Variants in PTPRG observed in about 807,000 individuals in gnomAD.
PTPRG encodes the protein receptor-type tyrosine-protein phosphatase gamma.
Under a neutral mutation model 165.3 loss-of-function variants are expected in PTPRG, and 102 were observed. The ratio of observed to expected loss-of-function variants is 0.62; its 90% CI spans 0.53 to 0.73. The LOEUF (loss-of-function observed/expected upper bound fraction) is 0.73, where lower values mean the gene tolerates loss of function less well. PTPRG is among the 30% of genes least tolerant of loss of function. The pLI is 0.00. For missense variants in PTPRG, 1,866 were observed against 1,861.4 expected, an observed-to-expected ratio of 1.00 and a Z score of -0.05; for synonymous variants, 675 against 669.5, an observed-to-expected ratio of 1.01 and a Z score of -0.13.
At chr3:62,291,297 AGT>A (rs1446690965) in intron 28 of PTPRG, among the ~76,000 whole-genome samples, 1 of 152,154 alleles carries the variant, frequency 6.6e-6, no homozygotes, top group Non-Finnish European at 1.5e-5. Context: ...GAAATATGGC[AGT>A]GTCTTTAAAA....
intron 5 of PTPRG, among the ~76,000 whole-genome samples, chr3:62,090,598 A>T (rs1238586683): frequency 6.6e-6 from 1 of 152,174 alleles, no homozygotes; most frequent in Non-Finnish European, 1.5e-5. Context: ...GACAGGTAAA[A>T]TCCCAAGTCT....
At chr3:61,634,272 C>G (rs1208831388) in intron 1 of PTPRG, among the ~76,000 whole-genome samples, 1 of 152,000 alleles carries the variant, frequency 6.6e-6, no homozygotes, top group Non-Finnish European at 1.5e-5. Flanking sequence ...GAGTCTCCTA[C>G]TGTCATCTGG....
At chr3:61,638,206 T>G (rs933081586) in intron 1 of PTPRG, among the ~76,000 whole-genome samples, 2 of 152,166 alleles carry the variant, frequency 1.3e-5, no homozygotes, top group Admixed American at 6.5e-5. Context: ...GATATAGAAA[T>G]GACACTGATT....
intron 1 of PTPRG, among the ~76,000 whole-genome samples, chr3:61,722,259 G>A (rs1158877133): frequency 6.6e-6 from 1 of 151,410 alleles, no homozygotes; most frequent in Admixed American, 6.6e-5. Context: ...ACAAAAGAGG[G>A]CCAAACTAGT....
chr3:61,771,209 C>T (rs2034197904), intron 2 of PTPRG: 1 of 152,086 alleles, frequency 6.6e-6, no homozygotes, highest in Non-Finnish European at 1.5e-5. Flanking sequence ...ATCTTTGACA[C>T]TTTTTGGTAA....
At chr3:61,793,796 A>G (rs991368437) in intron 2 of PTPRG, among the ~76,000 whole-genome samples, 1 of 152,112 alleles carries the variant, frequency 6.6e-6, no homozygotes, top group African/African-American at 2.4e-5. Flanking sequence ...AGTTTCCTTG[A>G]GCTAAAAGGA....
At chr3:62,010,370 T>TTATGTG (rs1553704190) in intron 4 of PTPRG, among the ~76,000 whole-genome samples, 2 of 149,464 alleles carry the variant, frequency 1.3e-5, no homozygotes, top group African/African-American at 5.0e-5. Flanking sequence ...CCCTCTCTTC[T>TTATGTG]TGTGTGTGTG....
intron 1 of PTPRG, among the ~76,000 whole-genome samples, chr3:61,667,265 C>T (rs1702835864): frequency 6.6e-6 from 1 of 152,158 alleles, no homozygotes; most frequent in Non-Finnish European, 1.5e-5. Context: ...TTTGGTGGGA[C>T]ATTCTAACCT....
At chr3:61,994,363 A>G (rs1429305341) in intron 3 of PTPRG, among the ~76,000 whole-genome samples, 9 of 152,174 alleles carry the variant, frequency 5.9e-5, no homozygotes, top group Non-Finnish European at 2.9e-5. Flanking sequence ...CACACTGAGG[A>G]CAAATAGTAA....
chr3:61,982,995 A>G (rs759391086), intron 2 of PTPRG, among the ~76,000 whole-genome samples: 1 of 152,210 alleles, frequency 6.6e-6, no homozygotes, highest in Non-Finnish European at 1.5e-5. Flanking sequence ...CCTTAAATTT[A>G]AAACCAAAAA....
Position 62,219,492 on chromosome 3 carries a change from T to C in PTPRG, c.2288+509T>C, listed in dbSNP as rs1018265870. On this transcript the variant is annotated intron_variant, in intron 13 of 29. Transcript: ENST00000474889. The surrounding 1 kb of genome is among the most constrained non-coding windows in gnomAD (Gnocchi z 4.5). ...ATGTGGTATTTAATATATGTAAGATTAAAATGGCAGATTGTAAGCTATCCG... is the reference window on the plus strand; with the variant it reads ...ATGTGGTATTTAATATATGTAAGATCAAAATGGCAGATTGTAAGCTATCCG... Among the ~76,000 whole-genome samples, 1 of 152,340 alleles carries C rather than the reference T, an allele frequency of 6.6e-6. No homozygotes were observed. Among genetic ancestry groups the C allele is most frequent in the Admixed American group, 6.5e-5 (1 of 15,302 alleles).
At chr3:62,050,438 A>G (rs1700434684) in intron 4 of PTPRG, among the ~76,000 whole-genome samples, 2 of 152,214 alleles carry the variant, frequency 1.3e-5, no homozygotes, top group African/African-American at 2.4e-5. Flanking sequence ...GGTTTATGTA[A>G]GTACACTCTG....
chr3:61,626,898 A>T (rs1455731998), intron 1 of PTPRG, among the ~76,000 whole-genome samples: 3 of 152,210 alleles, frequency 2.0e-5, no homozygotes, highest in Non-Finnish European at 4.4e-5. Flanking sequence ...ATACAGCCTG[A>T]TGTAAAATGG....
intron 2 of PTPRG, among the ~76,000 whole-genome samples, chr3:61,972,502 C>A (rs1276872291): frequency 6.6e-6 from 1 of 151,846 alleles, no homozygotes; most frequent in African/African-American, 2.4e-5. Flanking sequence ...GAGGGTGGGT[C>A]AGAGAGTCAG....
At chr3:62,117,061 C>G (rs764947335) in intron 5 of PTPRG, among the ~76,000 whole-genome samples, 5 of 152,184 alleles carry the variant, frequency 3.3e-5, no homozygotes, top group African/African-American at 4.8e-5. Context: ...TTCTGTGTGT[C>G]TTTACTTTCT....
chr3:62,141,559 A>G (rs1164061959), intron 6 of PTPRG, among the ~76,000 whole-genome samples: 4 of 152,170 alleles, frequency 2.6e-5, no homozygotes, highest in African/African-American at 9.7e-5. Flanking sequence ...AGATTGTGCC[A>G]CTGCACTCCA....
chr3:61,873,416 C>A (rs765494617), intron 2 of PTPRG, among the ~76,000 whole-genome samples: 2 of 152,046 alleles, frequency 1.3e-5, no homozygotes, highest in African/African-American at 4.8e-5. Context: ...AATATGAAAT[C>A]ATATTTTAAA....
chr3:61,882,591 C>G (rs911975699), intron 2 of PTPRG, among the ~76,000 whole-genome samples: 3 of 152,138 alleles, frequency 2.0e-5, no homozygotes, highest in Non-Finnish European at 4.4e-5. Flanking sequence ...GTCCTGCATA[C>G]TTCCATGAAT....
At chr3:61,836,089 A>AC (rs1433250622) in intron 2 of PTPRG, among the ~76,000 whole-genome samples, 1 of 143,350 alleles carries the variant, frequency 7.0e-6, no homozygotes, top group African/African-American at 2.6e-5. Context: ...ATATATATAC[A>AC]CACACACACA....
Sources: gnomAD v4.1 joint callset for allele counts (sites outside exome capture counted in the v4.1 genomes callset) on GRCh38, gnomAD v4.1.1 for gene constraint, Gnocchi (gnomAD v3.1) non-coding constraint, MANE v1.5 for transcripts, NCBI Gene and HGNC (gene_info 2026-07-23, HGNC 2026-07-21) for gene names.